NELFA: variants seen among roughly 807,000 people sequenced by gnomAD.
NELFA encodes the protein negative elongation factor complex member A, also known as negative elongation factor A.
NELFA carries 35 observed loss-of-function variants against 51.8 expected under a neutral mutation model. The observed-to-expected ratio is 0.68, with a 90% CI of 0.52 to 0.90. NELFA has a LOEUF of 0.90. NELFA is among the 40% of genes least tolerant of loss of function. The pLI is 0.00. For synonymous variants in NELFA, 417 were observed against 338.4 expected (o/e 1.23, Z -2.55); for missense variants, 658 against 746.4 (o/e 0.88, Z 1.38).
At chr4:1,998,793 A>G (rs1728497312) in intron 1 of NELFA, among the ~76,000 whole-genome samples, 1 of 152,202 alleles carries the variant, frequency 6.6e-6, no homozygotes, top group African/African-American at 2.4e-5. Context: ...GGAAATACAG[A>G]GAACCCCACT....
chr4:1,985,880 G>T lies in NELFA; in HGVS notation c.836-16C>A. ...ACCTCCGCATCTGTGGACAAAACAGGAGTCCTCGCCAGTGCCCGGGCGCGT... is the reference window on the plus strand; with the variant it reads ...ACCTCCGCATCTGTGGACAAAACAGTAGTCCTCGCCAGTGCCCGGGCGCGT... On this transcript the variant is annotated splice_polypyrimidine_tract_variant and intron_variant, in intron 6 of 10. Coordinates refer to ENST00000382882, the MANE Select transcript of NELFA (RefSeq NM_005663.5). 1 of 1,606,598 alleles carries T rather than the reference G, an allele frequency of 6.2e-7. No homozygotes were observed. The highest frequency in any genetic ancestry group is 8.5e-7 in the Non-Finnish European group (1 of 1,175,646).
Position 1,983,948 on chromosome 4 carries a change from G to A in NELFA, c.1202C>T (p.Pro401Leu), listed in dbSNP as rs139794494. 1.6e-5 allele frequency: 25 copies of A among 1,611,418 alleles called. No homozygotes were observed. The East Asian group carries it at 2.5e-4, about 16-fold the overall frequency. The change falls in exon 9 of 11, where the codon CCG (proline) becomes CTG (leucine). Residue 401 changes from proline (P) to leucine (L), a missense_variant. By Grantham distance (98) the Pro-to-Leu change is moderately conservative. This residue lies in a region of NELFA where 200 missense variants were observed against 167.9 expected (regional missense o/e 1.19). Coordinates refer to ENST00000382882, the MANE Select transcript of NELFA (RefSeq NM_005663.5). ...PTSPLTPTTP[P>L]AVAPTTQTPP... is the part of the protein sequence containing the mutation. ...TGTCTGAGTGGTAGGGGCGACAGCC[G>A]GAGGTGTGGTGGGTGTCAGAGGCGA... is the stretch of plus-strand genomic sequence containing the variant.
At chr4:1,998,335 T>TA (rs956898893) in intron 1 of NELFA, among the ~76,000 whole-genome samples, 65 of 141,110 alleles carry the variant, frequency 4.6e-4, no homozygotes, top group Middle Eastern at 3.6e-3. Flanking sequence ...AGATGGGTAA[T>TA]AAAAAAAAAA....
chr4:1,993,652 C>T (rs566396544), intron 1 of NELFA, among the ~76,000 whole-genome samples: 7 of 152,016 alleles, frequency 4.6e-5, no homozygotes, highest in Middle Eastern at 3.4e-3. Flanking sequence ...TTACACACAA[C>T]AGAAATTTAC....
At chr4:2,001,843 C>T (rs149834405) in intron 1 of NELFA, among the ~76,000 whole-genome samples, 43 of 151,378 alleles carry the variant, frequency 2.8e-4, no homozygotes, top group African/African-American at 9.5e-4. Context: ...GCGGAGGTTG[C>T]AGTGAGCCGA....
chr4:2,008,616 G>A (rs1728777734), intron 1 of NELFA, 134 bp downstream of exon 1: 1 of 1,047,686 alleles, frequency 9.5e-7, no homozygotes. Flanking sequence ...GTGAGGGCGG[G>A]CCGGGGGGGT....
At chr4:1,986,648 T>C in intron 4 of NELFA, 2 of 502,220 alleles carry the variant, frequency 4.0e-6, no homozygotes, top group Non-Finnish European at 7.2e-6. Flanking sequence ...AGCCACAGGA[T>C]CTCACCAGGT....
At chr4:1,997,124 A>C (rs754443021) in intron 1 of NELFA, among the ~76,000 whole-genome samples, 4 of 152,230 alleles carry the variant, frequency 2.6e-5, no homozygotes, top group African/African-American at 4.8e-5. Flanking sequence ...AACAAACAAA[A>C]AAAACAAAAC....
chr4:1,984,767 AG>A, intron 8 of NELFA, 40 bp downstream of exon 8: 1 of 1,453,308 alleles, frequency 6.9e-7, no homozygotes, highest in Non-Finnish European at 9.4e-7. Context: ...ATGTCCTGGC[AG>A]GCAGCTTGGC....
At chr4:2,001,000 A>G (rs1366427378) in intron 1 of NELFA, among the ~76,000 whole-genome samples, 1 of 152,252 alleles carries the variant, frequency 6.6e-6, no homozygotes, top group East Asian at 1.9e-4. Flanking sequence ...TACGCAAATC[A>G]ACAAGCATAA....
At chr4:2,003,426 C>T (rs1046515495) in intron 1 of NELFA, among the ~76,000 whole-genome samples, 2 of 152,196 alleles carry the variant, frequency 1.3e-5, no homozygotes, top group Non-Finnish European at 2.9e-5. Flanking sequence ...GACACACGTA[C>T]AGGTATGTTT....
chr4:1,983,549 C>T (rs368560711), intron 10 of NELFA, 46 bp from the exon 11 acceptor site: 158 of 1,612,264 alleles, frequency 9.8e-5, no homozygotes, highest in Non-Finnish European at 1.3e-4. Flanking sequence ...GGGCACCCGC[C>T]CCCAACCCGG....
chr4:1,986,564 G>A (rs1347107455), intron 4 of NELFA, 162 bp from the exon 5 acceptor site: 2 of 1,167,734 alleles, frequency 1.7e-6, no homozygotes, highest in Non-Finnish European at 2.4e-6. Context: ...GGACCTCAAG[G>A]AGCAGGGGAA....
chr4:2,002,063 G>C (rs1054939422), intron 1 of NELFA, among the ~76,000 whole-genome samples: 3 of 151,888 alleles, frequency 2.0e-5, no homozygotes, highest in Non-Finnish European at 4.4e-5. Flanking sequence ...AGCCAGGCAT[G>C]GTGGCGGGCG....
intron 7 of NELFA, among the ~76,000 whole-genome samples, chr4:1,985,312 C>G (rs570745600): frequency 1.3e-5 from 2 of 152,328 alleles, no homozygotes; most frequent in East Asian, 3.9e-4. Context: ...GTGGCCTCCT[C>G]CAGGCCCTGG....
intron 4 of NELFA, chr4:1,986,643 C>T (rs1295522895): frequency 3.9e-6 from 2 of 515,460 alleles, no homozygotes; most frequent in South Asian, 2.1e-5. Context: ...AGCCCAGCCA[C>T]AGGATCTCAC....
rs188775727 is a variant in NELFA at position 2,006,111 on chromosome 4, A to G, written c.210+2639T>C. Among the ~76,000 whole-genome samples the G allele has an allele frequency of 7.3e-4, 111 of 152,354 alleles. No individual in the cohort carries two copies. In the Middle Eastern group the frequency reaches 0.014, roughly 19 times the overall value. The stretch of plus-strand genomic sequence containing the variant: ...CAAGGCTTATAAATAAAGTGACAAG[A>G]ACCGACTTAGTGGGTTATTAGCACA... On this transcript the variant is annotated intron_variant, in intron 1 of 10. Transcript: ENST00000382882.
Position 1,984,866 on chromosome 4 carries a change from G to T in NELFA, c.978C>A (p.Pro326=). 1.3e-6 allele frequency: 2 copies of T among 1,581,792 alleles called. No homozygotes were observed. Among genetic ancestry groups the T allele is most frequent in the East Asian group, 4.6e-5 (2 of 43,422 alleles). The change falls in exon 8 of 11, where the codon CCC becomes CCA. Residue 326 remains proline, a synonymous_variant. Transcript: ENST00000382882. ...AGGCGGGAACCACGCTGGGCGTGGA[G>T]GGAAGGTAGCTCGTGGAGGGCAGCG... The part of the protein sequence containing the change: ...EPALPSTSYL[P]STPSVVPASS...
chr4:1,989,510 G>A lies in NELFA; in HGVS notation c.544+198C>T, dbSNP rs1298109847. On this transcript the variant is annotated intron_variant, in intron 3 of 10. Coordinates refer to ENST00000382882, the MANE Select transcript of NELFA (RefSeq NM_005663.5). This position sits in a 1 kb window ranked among gnomAD's most constrained non-coding sequence, Gnocchi z 4.8. ...GCCCGGCTAATGTTTTGGTACTTTT[G>A]GTAGAGATGGGGTTTCTTGGCTGGT... Among the ~76,000 whole-genome samples the A allele has an allele frequency of 6.6e-6, 1 of 151,932 alleles. No individual in the cohort carries two copies. The highest frequency in any genetic ancestry group is 1.9e-4 in the East Asian group (1 of 5,144).
Sources: gnomAD v4.1 joint callset for allele counts (sites outside exome capture counted in the v4.1 genomes callset) on GRCh38, gnomAD v4.1.1 for gene constraint, gnomAD v4.1.1 regional missense constraint, Gnocchi (gnomAD v3.1) non-coding constraint, MANE v1.5 for transcripts, NCBI Gene and HGNC (gene_info 2026-07-23, HGNC 2026-07-21) for gene names.